The following ADAMTSL3 variants were observed in gnomAD, a reference collection of about 807,000 sequenced individuals.
The protein encoded by ADAMTSL3 is ADAMTS like 3.
A neutral mutation model predicts 201.7 loss-of-function variants in ADAMTSL3; 128 were observed. The ratio of observed to expected loss-of-function variants is 0.63; its 90% CI spans 0.55 to 0.73. The LOEUF (loss-of-function observed/expected upper bound fraction) is 0.73. Ranked by LOEUF, ADAMTSL3 falls within the 30% of genes least tolerant of loss-of-function variation. The probability of loss-of-function intolerance (pLI) is 0.00; values close to 1 mark genes in which losing one functional copy is unlikely to be tolerated. For missense variants in ADAMTSL3, 1,990 were observed against 2,119.6 expected (o/e 0.94, Z 1.20); for synonymous variants, 738 against 748.4 (o/e 0.99, Z 0.23).
Position 83,866,310 on chromosome 15 carries a change from G to A in ADAMTSL3, c.803-4492G>A, listed in dbSNP as rs531659230. On this transcript the variant is annotated intron_variant, in intron 8 of 29. Coordinates refer to ENST00000286744, the MANE Select transcript of ADAMTSL3 (RefSeq NM_207517.3). ...TGCTGCTATAAAGACACATGCACAT[G>A]TATGTTTATTGTGGCACTATTCACA... is the stretch of plus-strand genomic sequence containing the variant. Among the ~76,000 whole-genome samples, 13 of 152,322 alleles carry A rather than the reference G, an allele frequency of 8.5e-5. No homozygotes were observed. The East Asian group carries it at 2.5e-3, about 29-fold the overall frequency.
At chr15:83,720,677 T>C (rs2062087982) in intron 3 of ADAMTSL3, among the ~76,000 whole-genome samples, 1 of 152,240 alleles carries the variant, frequency 6.6e-6, no homozygotes, top group African/African-American at 2.4e-5. Flanking sequence ...ACTAAACTAT[T>C]TTAATGACAG....
chr15:83,697,823 C>T (rs932015629), intron 2 of ADAMTSL3, among the ~76,000 whole-genome samples: 2 of 152,134 alleles, frequency 1.3e-5, no homozygotes, highest in African/African-American at 4.8e-5. Context: ...CAACTTTCAG[C>T]ACCTCTCCCT....
chr15:83,930,897 G>C (rs2066342737), intron 17 of ADAMTSL3, among the ~76,000 whole-genome samples: 1 of 152,174 alleles, frequency 6.6e-6, no homozygotes, highest in Admixed American at 6.5e-5. Flanking sequence ...GACTCCAAGG[G>C]CAATAGCAGT....
At chr15:83,691,770 A>G (rs1354407399) in intron 2 of ADAMTSL3, among the ~76,000 whole-genome samples, 1 of 152,100 alleles carries the variant, frequency 6.6e-6, no homozygotes, top group East Asian at 1.9e-4. Flanking sequence ...GCCTGCCACC[A>G]TGCCCAGCTA....
chr15:84,014,093 G>A (rs756241628), intron 23 of ADAMTSL3, among the ~76,000 whole-genome samples: 13 of 152,158 alleles, frequency 8.5e-5, no homozygotes, highest in Non-Finnish European at 1.8e-4. Flanking sequence ...CTTATGCACA[G>A]CAAACAACTT....
At chr15:83,896,478 T>C (rs1389461873) in intron 13 of ADAMTSL3, among the ~76,000 whole-genome samples, 2 of 152,188 alleles carry the variant, frequency 1.3e-5, no homozygotes, top group Non-Finnish European at 2.9e-5. Flanking sequence ...CTGGACTTGA[T>C]AATATTTAAT....
intron 19 of ADAMTSL3, among the ~76,000 whole-genome samples, chr15:83,960,923 A>G (rs963486337): frequency 2.0e-5 from 3 of 152,114 alleles, no homozygotes; most frequent in African/African-American, 7.2e-5. Flanking sequence ...AAGTCATGGG[A>G]TGGGGGAATG....
intron 19 of ADAMTSL3, among the ~76,000 whole-genome samples, chr15:83,960,321 A>G (rs2066942842): frequency 6.6e-6 from 1 of 152,164 alleles, no homozygotes; most frequent in Non-Finnish European, 1.5e-5. Flanking sequence ...CAAACTATAA[A>G]TTAAGAAACA....
rs554526551 is a variant in ADAMTSL3, at chr15:83,892,989, A to G, written c.1467+101A>G. On this transcript the variant is annotated intron_variant, in intron 13 of 29. Coordinates refer to ENST00000286744, the MANE Select transcript of ADAMTSL3 (RefSeq NM_207517.3). ...CTAGACAGCATGGAGACAAAAAAAAAGTGGTAAAAGAGCATGGTTCCTACT... is the reference window on the plus strand; with the variant it reads ...CTAGACAGCATGGAGACAAAAAAAAGGTGGTAAAAGAGCATGGTTCCTACT... 2.0e-5 allele frequency: 23 copies of G among 1,173,000 alleles called. 1 individual carries two copies. In the East Asian group the frequency reaches 5.1e-4, roughly 26 times the overall value. 72.7% of individuals were successfully genotyped at this position (1,173,000 alleles called of 1,614,324 possible).
Position 83,858,833 on chromosome 15 carries a change from C to G in ADAMTSL3, c.795C>G (p.Ala265=), listed in dbSNP as rs761733346. The G allele has an allele frequency of 6.2e-7, 1 of 1,609,520 alleles. No individual in the cohort carries two copies. The highest frequency in any genetic ancestry group is 1.1e-5 in the South Asian group (1 of 90,458). The change falls in exon 8 of 30, where the codon GCC becomes GCG. Residue 265 remains alanine (A), a synonymous_variant. Coordinates refer to ENST00000286744, the MANE Select transcript of ADAMTSL3 (RefSeq NM_207517.3). ...TGAGAATTACAGTGAAAGGACCTGC[C>G]CACCTCTGTAAGTAGAATTTAATCT... ...RSVRITVKGP[A]HLFIESKTLQ...
chr15:83,993,012 C>T (rs1355636890), intron 23 of ADAMTSL3, among the ~76,000 whole-genome samples: 2 of 152,228 alleles, frequency 1.3e-5, no homozygotes, highest in Non-Finnish European at 2.9e-5. Flanking sequence ...ACTCAGACCC[C>T]AGAACTCCTG....
intron 4 of ADAMTSL3, among the ~76,000 whole-genome samples, chr15:83,780,338 A>C (rs1349377330): frequency 6.7e-6 from 1 of 149,520 alleles, no homozygotes; most frequent in Non-Finnish European, 1.5e-5. Flanking sequence ...TGAATCCAGG[A>C]GGCAGAGGTT....
chr15:83,822,318 C>T (rs1168005514), intron 6 of ADAMTSL3, among the ~76,000 whole-genome samples: 4 of 141,566 alleles, frequency 2.8e-5, no homozygotes, highest in African/African-American at 5.4e-5. Flanking sequence ...ACTTCTCAGA[C>T]GGGGCGGCTG....
intron 8 of ADAMTSL3, among the ~76,000 whole-genome samples, chr15:83,859,141 G>A (rs1436333481): frequency 6.6e-6 from 1 of 152,228 alleles, no homozygotes; most frequent in Admixed American, 6.5e-5. Flanking sequence ...TTTAAAGACA[G>A]GGAGATAGAA....
chr15:83,856,397 G>A (rs990469041), intron 7 of ADAMTSL3, among the ~76,000 whole-genome samples: 2 of 151,612 alleles, frequency 1.3e-5, no homozygotes, highest in South Asian at 2.1e-4. Flanking sequence ...GACTGGTCTC[G>A]AACTCCTGGG....
At position 83,898,006 on chromosome 15, in the gene ADAMTSL3, G is replaced by A. The variant is rs1366670072; in HGVS notation, c.1615+1G>A. The A allele has an allele frequency of 6.2e-7, 1 of 1,612,440 alleles. No individual in the cohort carries two copies. Among genetic ancestry groups the A allele is most frequent in the Non-Finnish European group, 8.5e-7 (1 of 1,178,970 alleles). On this transcript the variant is annotated splice_donor_variant, in intron 14 of 29. Coordinates refer to ENST00000286744, the MANE Select transcript of ADAMTSL3 (RefSeq NM_207517.3). LOFTEE classifies it high-confidence loss of function. ...CCCATCCCGTGTTATAAACCAAAAGGTAAGTCTGTGGTGCACTGTAAATTC... is the reference window on the plus strand; with the variant it reads ...CCCATCCCGTGTTATAAACCAAAAGATAAGTCTGTGGTGCACTGTAAATTC...
intron 15 of ADAMTSL3, 47 bp downstream of exon 15, chr15:83,899,778 A>T: frequency 6.3e-7 from 1 of 1,581,948 alleles, no homozygotes; most frequent in Admixed American, 1.8e-5. Flanking sequence ...TAGCCAGTTA[A>T]CATGATATAT....
Position 83,870,870 on chromosome 15 carries a change from G to C in ADAMTSL3, c.871G>C (p.Val291Leu). 6.2e-7 allele frequency: 1 copy of C among 1,613,096 alleles called. No individual in the cohort carries two copies. Among genetic ancestry groups the C allele is most frequent in the Non-Finnish European group, 8.5e-7 (1 of 1,179,604 alleles). Residue 291 changes from valine (V) to leucine (L), a missense_variant, in exon 9 of 30, where the codon GTA becomes CTA. By Grantham distance (32) the Val-to-Leu change is conservative. Transcript: ENST00000286744. ...HSFNSPGVFL[V>L]ENTTVEFQRG... ...CTTTAACAGCCCCGGCGTCTTTCTC[G>C]TAGAAAACACAACAGTGGAATTTCA... is the stretch of plus-strand genomic sequence containing the variant.
At chr15:83,714,754 C>CCTTG (rs113400955) in intron 3 of ADAMTSL3, among the ~76,000 whole-genome samples, 99,545 of 117,370 alleles carry the variant, frequency 0.85, 43,160 homozygotes, top group East Asian at 0.96. Flanking sequence ...TTCCTTCCTT[C>CCTTG]CCTTTTCTCT....
Sources: allele counts gnomAD v4.1 joint callset (sites outside exome capture counted in the v4.1 genomes callset), GRCh38; gene constraint gnomAD v4.1.1; transcripts MANE v1.5; gene names NCBI Gene and HGNC (gene_info 2026-07-23, HGNC 2026-07-21).